The following DPP10 variants were observed in gnomAD, a reference collection of about 807,000 sequenced individuals.
DPP10 encodes the protein inactive dipeptidyl peptidase 10.
A neutral mutation model predicts 120.9 loss-of-function variants in DPP10; 33 were observed. The ratio of observed to expected loss-of-function variants is 0.27; its 90% CI spans 0.21 to 0.37. DPP10 has a LOEUF of 0.37. Among genes scored for constraint, DPP10 ranks in the 10% least tolerant of loss-of-function variants. DPP10 has a pLI of 1.00. For synonymous variants in DPP10, 337 were observed against 326.1 expected (o/e 1.03, Z -0.36); for missense variants, 816 against 942.8 (o/e 0.87, Z 1.76).
At chr2:114,906,051 C>T (rs184078217) in intron 1 of DPP10, among the ~76,000 whole-genome samples, 1 of 151,622 alleles carries the variant, frequency 6.6e-6, no homozygotes, top group East Asian at 1.9e-4. Context: ...CCTAATTGTC[C>T]TGGTTAGATT....
At chr2:114,751,955 A>G (rs1679269032) in intron 1 of DPP10, among the ~76,000 whole-genome samples, 1 of 152,216 alleles carries the variant, frequency 6.6e-6, no homozygotes, top group South Asian at 2.1e-4. Flanking sequence ...GGGGCCTAAG[A>G]CATGAATTTC....
chr2:115,222,169 T>TGAGTAAAGA (rs1296637106), intron 1 of DPP10, among the ~76,000 whole-genome samples: 1 of 152,020 alleles, frequency 6.6e-6, no homozygotes, highest in Non-Finnish European at 1.5e-5. Flanking sequence ...TTAGAGTAAA[T>TGAGTAAAGA]GAGTAAAGAG....
At chr2:115,485,220 T>G (rs966032333) in intron 3 of DPP10, among the ~76,000 whole-genome samples, 1 of 127,372 alleles carries the variant, frequency 7.9e-6, no homozygotes, top group African/African-American at 2.9e-5. Flanking sequence ...ATTTTTCTCA[T>G]AAACTTTAAC....
intron 1 of DPP10, among the ~76,000 whole-genome samples, chr2:114,464,021 G>A (rs1228482740): frequency 7.9e-5 from 12 of 152,292 alleles, no homozygotes; most frequent in East Asian, 7.7e-4. Context: ...GGATGTGTCC[G>A]TTTGTTTATC....
intron 1 of DPP10, among the ~76,000 whole-genome samples, chr2:115,097,713 G>C (rs1390511619): frequency 1.3e-5 from 2 of 152,208 alleles, no homozygotes; most frequent in Non-Finnish European, 2.9e-5. Context: ...ATAGAGGTAT[G>C]ATTAGGTAAC....
intron 1 of DPP10, among the ~76,000 whole-genome samples, chr2:114,625,336 G>A (rs532033342): frequency 6.6e-6 from 1 of 152,046 alleles, no homozygotes; most frequent in South Asian, 2.1e-4. Context: ...TCTAGAGGTA[G>A]GATCAAAGTT....
At chr2:115,829,416 G>A (rs1237413524) in intron 21 of DPP10, among the ~76,000 whole-genome samples, 1 of 151,808 alleles carries the variant, frequency 6.6e-6, no homozygotes, top group Non-Finnish European at 1.5e-5. Flanking sequence ...ATTATAACAT[G>A]CTTCATTATA....
At chr2:114,826,065 G>T (rs1686505421) in intron 1 of DPP10, among the ~76,000 whole-genome samples, 1 of 152,146 alleles carries the variant, frequency 6.6e-6, no homozygotes, top group Non-Finnish European at 1.5e-5. Flanking sequence ...CTGGAAATGG[G>T]CAGATCAAAA....
chr2:114,609,840 G>A (rs146480907), intron 1 of DPP10, among the ~76,000 whole-genome samples: 110 of 152,294 alleles, frequency 7.2e-4, no homozygotes, highest in African/African-American at 2.5e-3. Flanking sequence ...CACTTACTGA[G>A]TTACCAGAGG....
chr2:114,617,298 T>G (rs1260718264), intron 1 of DPP10, among the ~76,000 whole-genome samples: 3 of 152,074 alleles, frequency 2.0e-5, no homozygotes, highest in Non-Finnish European at 4.4e-5. Flanking sequence ...ATACTTAATA[T>G]AGTATTGTAG....
intron 1 of DPP10, among the ~76,000 whole-genome samples, chr2:114,863,539 A>G (rs34236456): frequency 0.27 from 40,459 of 151,842 alleles, 6,005 homozygotes; most frequent in East Asian, 0.59. Flanking sequence ...CTCCTTCCCA[A>G]TTGCCATCCT....
At chr2:114,533,857 G>A (rs1686260176) in intron 1 of DPP10, among the ~76,000 whole-genome samples, 1 of 152,084 alleles carries the variant, frequency 6.6e-6, no homozygotes, top group Non-Finnish European at 1.5e-5. Flanking sequence ...CTCATTTGAA[G>A]CTTATAGAAT....
intron 11 of DPP10, among the ~76,000 whole-genome samples, chr2:115,755,283 A>G (rs1679256531): frequency 6.6e-6 from 1 of 152,184 alleles, no homozygotes; most frequent in East Asian, 1.9e-4. Context: ...TAAACTTTAA[A>G]ATGAAACTAA....
intron 1 of DPP10, among the ~76,000 whole-genome samples, chr2:114,937,888 G>C (rs181116288): frequency 6.6e-6 from 1 of 152,308 alleles, no homozygotes; most frequent in East Asian, 1.9e-4. Context: ...TTATGAGCAA[G>C]ATTGCTGAAC....
intron 1 of DPP10, among the ~76,000 whole-genome samples, chr2:114,787,891 A>G (rs543344457): frequency 6.6e-6 from 1 of 152,360 alleles, no homozygotes; most frequent in Admixed American, 6.5e-5. Context: ...TAATAGTTTA[A>G]TTGAGTATAG....
At chr2:115,452,916 A>G (rs932285077) in intron 3 of DPP10, among the ~76,000 whole-genome samples, 2 of 151,874 alleles carry the variant, frequency 1.3e-5, no homozygotes, top group East Asian at 1.9e-4. Flanking sequence ...CTTCACTTAC[A>G]TTTCCCTTAT....
intron 1 of DPP10, among the ~76,000 whole-genome samples, chr2:114,755,016 A>G (rs1679594462): frequency 6.6e-6 from 1 of 152,240 alleles, no homozygotes; most frequent in Non-Finnish European, 1.5e-5. Context: ...TGAAGACAGA[A>G]CAACTTAATA....
At chr2:115,338,868 G>A (rs1559450306) in intron 2 of DPP10, among the ~76,000 whole-genome samples, 1 of 152,126 alleles carries the variant, frequency 6.6e-6, no homozygotes, top group South Asian at 2.1e-4. Context: ...AGCCATAGGA[G>A]AAAGTTTCAA....
chr2:114,633,900 C>T (rs1695129247), intron 1 of DPP10, among the ~76,000 whole-genome samples: 1 of 151,856 alleles, frequency 6.6e-6, no homozygotes, highest in Admixed American at 6.5e-5. Context: ...CAGTCATGAG[C>T]TGCCAAGCCC....
Sources: gnomAD v4.1 joint callset for allele counts (sites outside exome capture counted in the v4.1 genomes callset) on GRCh38, gnomAD v4.1.1 for gene constraint, MANE v1.5 for transcripts, NCBI Gene and HGNC (gene_info 2026-07-23, HGNC 2026-07-21) for gene names.